CRISP1: variants seen among roughly 807,000 people sequenced by gnomAD.
CRISP1 encodes the protein cysteine-rich secretory protein 1.
Under a neutral mutation model 33.1 loss-of-function variants are expected in CRISP1, and 44 were observed. The observed-to-expected ratio is 1.33, with a 90% CI of 1.05 to 1.71. The LOEUF (loss-of-function observed/expected upper bound fraction) is 1.71, where lower values mean the gene tolerates loss of function less well. CRISP1 is among the 40% of genes most tolerant of loss of function. The probability of loss-of-function intolerance (pLI) is 0.00; values close to 1 mark genes in which losing one functional copy is unlikely to be tolerated. For missense variants in CRISP1, 390 were observed against 301.2 expected (o/e 1.29, Z -2.18); for synonymous variants, 103 against 98.7 (o/e 1.04, Z -0.26).
At chr6:49,849,121 T>A (rs1182660014) in intron 3 of CRISP1, among the ~76,000 whole-genome samples, 1 of 152,138 alleles carries the variant, frequency 6.6e-6, no homozygotes, top group African/African-American at 2.4e-5. Context: ...GTTCTCCCAA[T>A]GCAGAAAGGG....
Position 49,835,416 on chromosome 6 carries a change from T to A in CRISP1, c.650A>T (p.Tyr217Phe), listed in dbSNP as rs755498865. The A allele has an allele frequency of 6.2e-7, 1 of 1,613,772 alleles. No homozygotes were observed. Among genetic ancestry groups the A allele is most frequent in the Non-Finnish European group, 8.5e-7 (1 of 1,179,716 alleles). Residue 217 changes from tyrosine (Y) to phenylalanine (F), a missense_variant, in exon 8 of 8, where the codon TAC becomes TTC. Transcript: ENST00000335847. ...CTNPCIYYDE[Y>F]FDCDIQVHYL... ...ATGGACTTGTATGTCACAGTCGAAG[T>A]ATTCATCATAGTAGATGCAGGGGTT...
chr6:49,859,836 TATGACCCA>T (rs1346219777), intron 1 of CRISP1, among the ~76,000 whole-genome samples: 2 of 152,126 alleles, frequency 1.3e-5, no homozygotes, highest in Non-Finnish European at 2.9e-5. Context: ...TGGATTAAAA[TATGACCCA>T]ACTGTATTCT....
At chr6:49,872,338 C>G (rs1419741259) in intron 1 of CRISP1, among the ~76,000 whole-genome samples, 4 of 152,070 alleles carry the variant, frequency 2.6e-5, no homozygotes, top group African/African-American at 9.6e-5. Flanking sequence ...AATTTTCTCC[C>G]ATTTTGTAGG....
At chr6:49,864,617 C>G (rs1323061357) in intron 1 of CRISP1, among the ~76,000 whole-genome samples, 1 of 151,992 alleles carries the variant, frequency 6.6e-6, no homozygotes, top group African/African-American at 2.4e-5. Flanking sequence ...TTGTGTAATA[C>G]TATTTCATTG....
chr6:49,869,306 G>A (rs898532398), upstream of CRISP1, among the ~76,000 whole-genome samples: 1 of 152,086 alleles, frequency 6.6e-6, no homozygotes, highest in African/African-American at 2.4e-5. Context: ...CTCCAGATTG[G>A]CCTTTCCACA....
At chr6:49,848,526 G>A (rs1404275104) in intron 3 of CRISP1, among the ~76,000 whole-genome samples, 1 of 152,244 alleles carries the variant, frequency 6.6e-6, no homozygotes, top group South Asian at 2.1e-4. Flanking sequence ...ATTACATTCA[G>A]AGATAGATTC....
At chr6:49,835,921 C>G (rs926020983) in intron 7 of CRISP1, among the ~76,000 whole-genome samples, 2 of 152,182 alleles carry the variant, frequency 1.3e-5, no homozygotes, top group Non-Finnish European at 2.9e-5. Context: ...CAGAGGTTAT[C>G]TCAACTAACA....
intron 3 of CRISP1, among the ~76,000 whole-genome samples, chr6:49,849,034 G>T (rs1026923354): frequency 6.6e-6 from 1 of 152,138 alleles, no homozygotes; most frequent in Non-Finnish European, 1.5e-5. Flanking sequence ...TGGCTTCAGA[G>T]TATGTGTTCT....
At chr6:49,859,014 G>T (rs755818606) in intron 1 of CRISP1, among the ~76,000 whole-genome samples, 16 of 152,074 alleles carry the variant, frequency 1.1e-4, no homozygotes, top group African/African-American at 2.4e-4. Flanking sequence ...GCCTGGAAAG[G>T]CTCCTTAACA....
At chr6:49,846,495 G>A (rs748661208) in intron 5 of CRISP1, 25 bp downstream of exon 5, 17 of 1,606,256 alleles carry the variant, frequency 1.1e-5, no homozygotes, top group African/African-American at 1.3e-5. Flanking sequence ...TAAACAATGT[G>A]TGTGTTTGCC....
rs909409179 is a variant in CRISP1 at position 49,871,969 on chromosome 6, C to T, written c.-3+5040G>A. ...TTCTAGTTCTAGATCCCTGAGGAATCGCCACACTGACTTCCACAATGGTTG... is the reference window on the plus strand; with the variant it reads ...TTCTAGTTCTAGATCCCTGAGGAATTGCCACACTGACTTCCACAATGGTTG... On this transcript the variant is annotated intron_variant, in intron 1 of 7. Transcript: ENST00000505118. 8.5e-5 allele frequency among the ~76,000 whole-genome samples: 13 copies of T among 152,078 alleles called. No individual in the cohort carries two copies. In the East Asian group the frequency reaches 1.4e-3, roughly 16 times the overall value.
At chr6:49,862,077 T>G (rs1205603971) in intron 1 of CRISP1, among the ~76,000 whole-genome samples, 1 of 151,904 alleles carries the variant, frequency 6.6e-6, no homozygotes, top group East Asian at 1.9e-4. Context: ...GAGAAAGAAA[T>G]AAAAGGCATT....
At chr6:49,863,667 G>T (rs1369317132) in intron 1 of CRISP1, among the ~76,000 whole-genome samples, 1 of 152,190 alleles carries the variant, frequency 6.6e-6, no homozygotes, top group South Asian at 2.1e-4. Context: ...AAAGATCAAA[G>T]ATGAGGGAAA....
At chr6:49,849,120 A>G (rs1390532046) in intron 3 of CRISP1, among the ~76,000 whole-genome samples, 1 of 152,120 alleles carries the variant, frequency 6.6e-6, no homozygotes, top group Non-Finnish European at 1.5e-5. Flanking sequence ...TGTTCTCCCA[A>G]TGCAGAAAGG....
intron 7 of CRISP1, among the ~76,000 whole-genome samples, chr6:49,835,997 C>G (rs775410148): frequency 5.3e-5 from 8 of 152,266 alleles, no homozygotes; most frequent in South Asian, 2.1e-4. Flanking sequence ...CTGGTACATA[C>G]AGAGGCAGAA....
chr6:49,861,552 C>T (rs1477092913), intron 1 of CRISP1, among the ~76,000 whole-genome samples: 1 of 152,064 alleles, frequency 6.6e-6, no homozygotes, highest in Non-Finnish European at 1.5e-5. Flanking sequence ...TTTAACATCT[C>T]TTCCTGACAA....
At chr6:49,862,500 A>G (rs182640945) in intron 1 of CRISP1, among the ~76,000 whole-genome samples, 10 of 152,270 alleles carry the variant, frequency 6.6e-5, no homozygotes, top group African/African-American at 2.2e-4. Context: ...ATGATATAAG[A>G]TATTTGATAT....
At chr6:49,862,544 T>C (rs996392947) in intron 1 of CRISP1, among the ~76,000 whole-genome samples, 1 of 152,260 alleles carries the variant, frequency 6.6e-6, no homozygotes, top group Non-Finnish European at 1.5e-5. Context: ...TCCCAGAACT[T>C]ATTTTCTGTG....
intron 3 of CRISP1, among the ~76,000 whole-genome samples, chr6:49,851,302 G>A (rs1014422384): frequency 2.0e-5 from 3 of 152,138 alleles, no homozygotes; most frequent in African/African-American, 7.2e-5. Context: ...GTTCAAGGAA[G>A]CAGGCTGAGG....
Sources: allele counts gnomAD v4.1 joint callset (sites outside exome capture counted in the v4.1 genomes callset), GRCh38; gene constraint gnomAD v4.1.1; transcripts MANE v1.5; gene names NCBI Gene and HGNC (gene_info 2026-07-23, HGNC 2026-07-21).